The following DACH2 variants were observed in gnomAD, a reference collection of about 807,000 sequenced individuals.
The protein encoded by DACH2 is dachshund homolog 2.
Under a neutral mutation model 35.8 loss-of-function variants are expected in DACH2, and 17 were observed. The observed-to-expected ratio is 0.48, with a 90% confidence interval of 0.33 to 0.71. The LOEUF (loss-of-function observed/expected upper bound fraction) is 0.71, where lower values mean the gene tolerates loss of function less well. Among genes scored for constraint, DACH2 ranks in the 30% least tolerant of loss-of-function variants. DACH2 has a pLI of 0.02. For synonymous variants in DACH2, 195 were observed against 177.3 expected, an observed-to-expected ratio of 1.10 and a Z score of -0.79; for missense variants, 469 against 472.7, an observed-to-expected ratio of 0.99 and a Z score of 0.07.
intron 1 of DACH2, among the ~76,000 whole-genome samples, chrX:86,287,301 CT>C (rs773016593): frequency 9.0e-6 from 1 of 111,661 alleles, no homozygotes; most frequent in Non-Finnish European, 1.9e-5. Flanking sequence ...TCTTTTGCTG[CT>C]TTTACTATCT....
chrX:86,386,330 T>C (rs943470249), intron 2 of DACH2, among the ~76,000 whole-genome samples: 1 of 111,775 alleles, frequency 8.9e-6, no homozygotes, highest in South Asian at 3.7e-4. Flanking sequence ...CATCATATCA[T>C]GTAAAGGGTA....
intron 1 of DACH2, among the ~76,000 whole-genome samples, chrX:86,233,956 T>A (rs1053857654): frequency 1.8e-5 from 2 of 111,896 alleles, no homozygotes; most frequent in Admixed American, 9.5e-5. Context: ...GGGAGTACAA[T>A]TCAAGATGAG....
At chrX:86,159,297 C>T (rs1461370548) in intron 1 of DACH2, among the ~76,000 whole-genome samples, 1 of 111,181 alleles carries the variant, frequency 9.0e-6, no homozygotes. Flanking sequence ...AGTACATTGA[C>T]CCTTAAATAT....
At chrX:86,598,724 C>T (rs761728775) in intron 3 of DACH2, among the ~76,000 whole-genome samples, 1 of 110,200 alleles carries the variant, frequency 9.1e-6, no homozygotes, top group South Asian at 3.9e-4. Flanking sequence ...TTAAGAGTAC[C>T]CTTAAGTTTG....
chrX:86,213,715 G>A (rs751194204), intron 1 of DACH2, among the ~76,000 whole-genome samples: 1 of 110,429 alleles, frequency 9.1e-6, no homozygotes, highest in African/African-American at 3.3e-5. Flanking sequence ...GCCAGGAAGA[G>A]TTCATGACTT....
intron 2 of DACH2, among the ~76,000 whole-genome samples, chrX:86,391,815 G>A (rs904296292): frequency 3.6e-5 from 4 of 110,856 alleles, no homozygotes; most frequent in Non-Finnish European, 5.7e-5. Context: ...AGAAAATGGG[G>A]TTTACCATTA....
intron 2 of DACH2, among the ~76,000 whole-genome samples, chrX:86,428,909 A>G (rs1175070155): frequency 1.8e-5 from 2 of 111,517 alleles, no homozygotes; most frequent in Non-Finnish European, 3.8e-5. Flanking sequence ...AGTAAAGTTC[A>G]GTAACAAAGG....
intron 3 of DACH2, among the ~76,000 whole-genome samples, chrX:86,572,893 C>T (rs1042410515): frequency 2.7e-5 from 3 of 111,562 alleles, no homozygotes; most frequent in African/African-American, 9.8e-5. Flanking sequence ...TCCTCCCACC[C>T]ACCACTCTGT....
chrX:86,494,358 G>A lies in DACH2; in HGVS notation c.528-19921G>A, dbSNP rs369009538. Among the ~76,000 whole-genome samples the A allele has an allele frequency of 1.4e-4, 16 of 111,998 alleles. No homozygotes were observed. The East Asian group carries it at 3.7e-3, about 26-fold the overall frequency. On this transcript the variant is annotated intron_variant, in intron 2 of 11. Transcript: ENST00000373125. Reference sequence around the variant, plus strand: ...CGTTTAGAACTCACTAATAGATACTGAGTGGCTACTATGAGCCCAACCCAG... The same window carrying A: ...CGTTTAGAACTCACTAATAGATACTAAGTGGCTACTATGAGCCCAACCCAG...
chrX:86,195,102 C>CT (rs1173510916), intron 1 of DACH2, among the ~76,000 whole-genome samples: 2 of 113,153 alleles, frequency 1.8e-5, no homozygotes, highest in Non-Finnish European at 1.9e-5. Context: ...CACAGCAAGC[C>CT]TGCACATCTT....
chrX:86,569,569 C>T (rs1035657563), intron 3 of DACH2, among the ~76,000 whole-genome samples: 1 of 111,151 alleles, frequency 9.0e-6, no homozygotes, highest in Non-Finnish European at 1.9e-5. Context: ...GACTTAAACT[C>T]GGCATTTTGA....
chrX:86,705,598 C>T (rs919567081), intron 5 of DACH2, among the ~76,000 whole-genome samples: 6 of 111,220 alleles, frequency 5.4e-5, no homozygotes, highest in Admixed American at 9.6e-5. Flanking sequence ...AATATAGATG[C>T]TGGCCTGGGT....
At chrX:86,627,936 C>T (rs938250928) in intron 3 of DACH2, among the ~76,000 whole-genome samples, 2 of 112,312 alleles carry the variant, frequency 1.8e-5, no homozygotes, top group Non-Finnish European at 1.9e-5. Flanking sequence ...TCCCTGTGCA[C>T]TTCTCACTTT....
At chrX:86,449,114 G>A (rs2037317671) in intron 2 of DACH2, among the ~76,000 whole-genome samples, 1 of 22,765 alleles carries the variant, frequency 4.4e-5, no homozygotes, top group African/African-American at 1.8e-4. Flanking sequence ...TCTGATGGTA[G>A]TTTGTATTTC....
chrX:86,754,539 T>C (rs2041807826), intron 7 of DACH2, among the ~76,000 whole-genome samples: 1 of 111,185 alleles, frequency 9.0e-6, no homozygotes, highest in African/African-American at 3.3e-5. Context: ...AATATATGGT[T>C]GTACTCATTG....
intron 1 of DACH2, among the ~76,000 whole-genome samples, chrX:86,332,678 G>A (rs1602412765): frequency 9.0e-6 from 1 of 111,709 alleles, no homozygotes; most frequent in African/African-American, 3.2e-5. Flanking sequence ...AATTAGTTAT[G>A]ATAGTAAAAA....
At chrX:86,399,052 TA>T (rs1364715246) in intron 2 of DACH2, among the ~76,000 whole-genome samples, 17 of 111,936 alleles carry the variant, frequency 1.5e-4, no homozygotes, top group Middle Eastern at 9.2e-3. Flanking sequence ...GGACTTGCTT[TA>T]TGAATCTCGG....
At position 86,810,730 on chromosome X, in the gene DACH2, A is replaced by G. The variant is rs748594810; in HGVS notation, c.1241-2126A>G. On this transcript the variant is annotated intron_variant, in intron 7 of 11. Coordinates refer to ENST00000373125, the MANE Select transcript of DACH2 (RefSeq NM_053281.3). ...TCTGCTGCCTAAGACATGTTTTAATAGTGTTTTTATGAGATAATACTTCAA... is the reference window on the plus strand; with the variant it reads ...TCTGCTGCCTAAGACATGTTTTAATGGTGTTTTTATGAGATAATACTTCAA... Among the ~76,000 whole-genome samples the G allele has an allele frequency of 2.4e-3, 262 of 111,429 alleles. 1 individual carries two copies. Among genetic ancestry groups the G allele is most frequent in the Non-Finnish European group, 3.6e-3 (193 of 53,012 alleles).
intron 7 of DACH2, among the ~76,000 whole-genome samples, chrX:86,776,014 C>A (rs1025596713): frequency 4.5e-5 from 5 of 111,250 alleles, no homozygotes; most frequent in Admixed American, 1.9e-4. Context: ...GAACCTAGGC[C>A]ATCTGACTTC....
Sources: gnomAD v4.1 joint callset for allele counts (sites outside exome capture counted in the v4.1 genomes callset) on GRCh38, gnomAD v4.1.1 for gene constraint, MANE v1.5 for transcripts, NCBI Gene and HGNC (gene_info 2026-07-23, HGNC 2026-07-21) for gene names.